GPR176: variants seen among roughly 807,000 people sequenced by gnomAD.
The protein encoded by GPR176 is G protein-coupled receptor 176, also known as G-protein coupled receptor 176.
Under a neutral mutation model 35.4 loss-of-function variants are expected in GPR176, and 26 were observed. That is an observed-to-expected ratio of 0.74 (90% CI 0.54 to 1.02). The LOEUF is 1.02. GPR176 is among the 50% of genes least tolerant of loss of function. The probability of loss-of-function intolerance (pLI) is 0.00; values close to 1 mark genes in which losing one functional copy is unlikely to be tolerated. For synonymous variants in GPR176, 278 were observed against 271.3 expected, an observed-to-expected ratio of 1.02 and a Z score of -0.24; for missense variants, 597 against 665.3, an observed-to-expected ratio of 0.90 and a Z score of 1.13.
At chr15:39,883,852 T>C (rs1199433065) in intron 1 of GPR176, among the ~76,000 whole-genome samples, 1 of 139,942 alleles carries the variant, frequency 7.1e-6, no homozygotes, top group Non-Finnish European at 1.7e-5. Flanking sequence ...GATACATGCA[T>C]AGCAACAAAA....
chr15:39,847,410 T>C (rs112504089), intron 1 of GPR176, among the ~76,000 whole-genome samples: 39 of 151,640 alleles, frequency 2.6e-4, no homozygotes, highest in African/African-American at 8.7e-4. Flanking sequence ...TATATACAGG[T>C]TGAAAGTAAA....
chr15:39,875,765 T>C (rs1159275938), intron 1 of GPR176, among the ~76,000 whole-genome samples: 1 of 152,144 alleles, frequency 6.6e-6, no homozygotes, highest in Non-Finnish European at 1.5e-5. Context: ...TCATTAAGTA[T>C]GATAAAAATT....
At chr15:39,822,764 C>A (rs1434627374) in intron 1 of GPR176, among the ~76,000 whole-genome samples, 2 of 152,184 alleles carry the variant, frequency 1.3e-5, no homozygotes, top group Non-Finnish European at 2.9e-5. Context: ...AGCTTAACTT[C>A]TTTCCATCAG....
In GPR176 at chr15:39,887,372, G is replaced by A. The variant is rs188332731; in HGVS notation, c.172+32483C>T. Among the ~76,000 whole-genome samples, 469 of 152,212 alleles carry A rather than the reference G, an allele frequency of 3.1e-3. 7 individuals carry two copies. In the South Asian group the frequency reaches 0.039, roughly 13 times the overall value. The stretch of plus-strand genomic sequence containing the variant: ...AGACTGAGGTGGCTCAGGCATAAAT[G>A]GAACAATGCATATTTCCAGATCAAC... On this transcript the variant is annotated intron_variant, in intron 1 of 2. Transcript: ENST00000561100.
intron 1 of GPR176, chr15:39,807,550 C>T (rs1359194522): frequency 2.6e-6 from 4 of 1,522,184 alleles, no homozygotes; most frequent in Non-Finnish European, 3.5e-6. Flanking sequence ...AGTGTATAAA[C>T]AATTTGCTAG....
rs116612520 is a variant in GPR176 at position 39,889,286 on chromosome 15, G to A, written c.172+30569C>T. Among the ~76,000 whole-genome samples the A allele has an allele frequency of 4.0e-3, 606 of 152,154 alleles. 4 individuals carry two copies. The highest frequency in any genetic ancestry group is 0.013 in the African/African-American group (556 of 41,498). ...GTATTGGCCGGCCACAGTGGTTTAC[G>A]CCTGTAATCCCAACACTTTGGGAGG... is the stretch of plus-strand genomic sequence containing the variant. On this transcript the variant is annotated intron_variant, in intron 1 of 2. Transcript: ENST00000561100.
chr15:39,886,853 C>T (rs1201496863), intron 1 of GPR176, among the ~76,000 whole-genome samples: 2 of 152,154 alleles, frequency 1.3e-5, no homozygotes, highest in Admixed American at 6.5e-5. Context: ...CCTTACTGAC[C>T]TACCAGATTG....
At chr15:39,873,855 C>T (rs1215013624) in intron 1 of GPR176, among the ~76,000 whole-genome samples, 5 of 151,946 alleles carry the variant, frequency 3.3e-5, no homozygotes, top group African/African-American at 1.2e-4. Flanking sequence ...TCTTTATCAC[C>T]AAGCAGAAAA....
At chr15:39,910,169 A>G (rs2033537486) in intron 1 of GPR176, among the ~76,000 whole-genome samples, 1 of 152,250 alleles carries the variant, frequency 6.6e-6, no homozygotes, top group Non-Finnish European at 1.5e-5. Flanking sequence ...GAAAGAAATA[A>G]TGTGGTATAT....
chr15:39,802,168 A>G lies in GPR176; in HGVS notation c.512T>C (p.Val171Ala). The G allele has an allele frequency of 6.2e-7, 1 of 1,614,146 alleles. No individual in the cohort carries two copies. Among genetic ancestry groups the G allele is most frequent in the East Asian group, 2.2e-5 (1 of 44,888 alleles). The change falls in exon 3 of 3, where the codon GTG (valine) becomes GCG (alanine). Residue 171 changes from valine (V) to alanine (A), a missense_variant. By Grantham distance (64) the Val-to-Ala change is moderately conservative. This residue lies in a region of GPR176 where 220 missense variants were observed against 297.6 expected (regional missense o/e 0.74). Coordinates refer to ENST00000561100, the MANE Select transcript of GPR176 (RefSeq NM_007223.3). ...ELVMYIWAHA[V>A]VASVPVFAVT... ...TGCAAACACAGGGACACTGGCCACC[A>G]CTGCATGGGCCCAGATGTACATCAC...
At chr15:39,812,424 T>C (rs576519590) in intron 1 of GPR176, among the ~76,000 whole-genome samples, 1 of 152,336 alleles carries the variant, frequency 6.6e-6, no homozygotes, top group East Asian at 1.9e-4. Context: ...GGATGCTTCC[T>C]GCCCTTAAAT....
chr15:39,909,452 T>C (rs566431238), intron 1 of GPR176, among the ~76,000 whole-genome samples: 1 of 152,202 alleles, frequency 6.6e-6, no homozygotes, highest in African/African-American at 2.4e-5. Context: ...AACATAATAC[T>C]TTGTAATAAA....
At chr15:39,854,805 G>A (rs1447469460) in intron 1 of GPR176, among the ~76,000 whole-genome samples, 1 of 152,058 alleles carries the variant, frequency 6.6e-6, no homozygotes, top group Non-Finnish European at 1.5e-5. Context: ...GGGAGCCTGC[G>A]GTGGGAGGAT....
At chr15:39,829,243 C>G (rs1457273782) in intron 1 of GPR176, 2 of 1,473,736 alleles carry the variant, frequency 1.4e-6, no homozygotes, top group East Asian at 5.1e-5. Context: ...AGATGTGTCG[C>G]TGGAAAAGCC....
chr15:39,807,246 A>G lies in GPR176; in HGVS notation c.185T>C (p.Val62Ala). 1 of 1,562,802 alleles carries G rather than the reference A, an allele frequency of 6.4e-7. No homozygotes were observed. The highest frequency in any genetic ancestry group is 8.7e-7 in the Non-Finnish European group (1 of 1,155,676). The change falls in exon 2 of 3, where the codon GTG becomes GCG. Residue 62 changes from valine to alanine, a missense_variant. By Grantham distance (64) the Val-to-Ala change is moderately conservative (BLOSUM62 0). Transcript: ENST00000561100. ...FIGSLLGNFM[V>A]LWSTCRTTVF... is the part of the protein sequence containing the mutation. The stretch of plus-strand genomic sequence containing the variant: ...GGTTGTGCGGCAAGTTGACCATAAC[A>G]CCATGAAGTTTCCTGGTCAGATATG...
intron 2 of GPR176, among the ~76,000 whole-genome samples, chr15:39,802,732 C>A (rs1354391282): frequency 2.6e-5 from 4 of 152,336 alleles, no homozygotes; most frequent in Admixed American, 2.6e-4. Context: ...TGTCTACACA[C>A]ATATCTAAAG....
intron 1 of GPR176, among the ~76,000 whole-genome samples, chr15:39,838,633 C>A (rs1479721127): frequency 6.6e-6 from 1 of 152,104 alleles, no homozygotes; most frequent in African/African-American, 2.4e-5. Flanking sequence ...AATTCAACAG[C>A]CCTTCATGCT....
intron 1 of GPR176, among the ~76,000 whole-genome samples, chr15:39,838,945 G>A (rs1331025981): frequency 6.6e-6 from 1 of 152,108 alleles, no homozygotes; most frequent in Non-Finnish European, 1.5e-5. Flanking sequence ...CAACATCTCA[G>A]CCCAAAATCT....
intron 1 of GPR176, among the ~76,000 whole-genome samples, chr15:39,839,457 C>T (rs1290630593): frequency 2.0e-5 from 3 of 152,158 alleles, no homozygotes; most frequent in Non-Finnish European, 4.4e-5. Flanking sequence ...CCCTTCCTCA[C>T]ACCTTATACA....
Sources: gnomAD v4.1 joint callset for allele counts (sites outside exome capture counted in the v4.1 genomes callset) on GRCh38, gnomAD v4.1.1 for gene constraint, gnomAD v4.1.1 regional missense constraint, MANE v1.5 for transcripts, NCBI Gene and HGNC (gene_info 2026-07-23, HGNC 2026-07-21) for gene names.